PTPN2: variants seen among roughly 807,000 people sequenced by gnomAD.
PTPN2 encodes protein tyrosine phosphatase non-receptor type 2.
Under a neutral mutation model 57.3 loss-of-function variants are expected in PTPN2, and 19 were observed. That is an observed-to-expected ratio of 0.33 (90% CI 0.23 to 0.49). The LOEUF is 0.49. Ranked by LOEUF, PTPN2 falls within the 20% of genes least tolerant of loss-of-function variation. PTPN2 has a pLI of 0.99. For missense variants in PTPN2, 358 were observed against 501.1 expected (o/e 0.71, Z 2.73); for synonymous variants, 153 against 164.9 (o/e 0.93, Z 0.55).
At chr18:12,839,366 C>T (rs2042970872) in intron 2 of PTPN2, 1 of 152,182 alleles carries the variant, frequency 6.6e-6, no homozygotes, top group South Asian at 2.1e-4. Flanking sequence ...AAACTTTTGA[C>T]TTCTGAATGA....
At chr18:12,804,289 C>CAAAAAAAAAA (rs59927276) in intron 7 of PTPN2, among the ~76,000 whole-genome samples, 16 of 67,850 alleles carry the variant, frequency 2.4e-4, no homozygotes, top group African/African-American at 5.8e-4. Context: ...GAAACTGTCT[C>CAAAAAAAAAA]AAAAAAAAAA....
At chr18:12,850,285 G>A (rs1318352860) in intron 2 of PTPN2, among the ~76,000 whole-genome samples, 1 of 152,106 alleles carries the variant, frequency 6.6e-6, no homozygotes, top group Non-Finnish European at 1.5e-5. Flanking sequence ...AAGGTCAGGA[G>A]TTTGAGACCA....
chr18:12,818,635 A>C (rs555294285), intron 5 of PTPN2, among the ~76,000 whole-genome samples: 1 of 150,742 alleles, frequency 6.6e-6, no homozygotes, highest in East Asian at 1.9e-4. Context: ...GTCTTTGTGC[A>C]ATTTTTCAGT....
At chr18:12,787,841 C>G (rs1440809715), downstream of PTPN2, 1 of 153,568 alleles carries the variant, frequency 6.5e-6, no homozygotes, top group African/African-American at 2.4e-5. Context: ...TCTGTGGAGA[C>G]AGTGGCTCTG....
intron 1 of PTPN2, among the ~76,000 whole-genome samples, chr18:12,860,321 G>A (rs1457079222): frequency 6.6e-6 from 1 of 150,900 alleles, no homozygotes; most frequent in African/African-American, 2.4e-5. Context: ...AAATTAGGCT[G>A]TGCGCGGTGG....
chr18:12,873,890 T>C (rs904008897), intron 1 of PTPN2, among the ~76,000 whole-genome samples: 3 of 150,012 alleles, frequency 2.0e-5, no homozygotes, highest in African/African-American at 7.4e-5. Context: ...GGGAGTGCCT[T>C]TGCCCCGCCG....
intron 1 of PTPN2, among the ~76,000 whole-genome samples, chr18:12,881,998 G>C (rs1421511318): frequency 6.6e-6 from 1 of 152,164 alleles, no homozygotes; most frequent in African/African-American, 2.4e-5. Context: ...ATAAGCCCTA[G>C]AGTGAGCACC....
intron 8 of PTPN2, among the ~76,000 whole-genome samples, chr18:12,799,416 C>T (rs2041321125): frequency 6.9e-6 from 1 of 145,646 alleles, no homozygotes; most frequent in Non-Finnish European, 1.5e-5. Flanking sequence ...GACTCCGTCT[C>T]AGGAAAAAAA....
intron 2 of PTPN2, among the ~76,000 whole-genome samples, chr18:12,847,616 GA>G (rs1055688554): frequency 1.4e-5 from 2 of 147,354 alleles, no homozygotes; most frequent in African/African-American, 5.0e-5. Context: ...TAAAATTAAA[GA>G]TTTTTTTTTT....
At chr18:12,838,860 C>A (rs1252399271) in intron 2 of PTPN2, among the ~76,000 whole-genome samples, 1 of 151,802 alleles carries the variant, frequency 6.6e-6, no homozygotes, top group African/African-American at 2.4e-5. Flanking sequence ...TATTTTAATT[C>A]TTCTGTTCTT....
At chr18:12,840,958 G>A in intron 2 of PTPN2, 1 of 1,463,056 alleles carries the variant, frequency 6.8e-7, no homozygotes, top group Non-Finnish European at 9.0e-7. Flanking sequence ...TCCCTGCATT[G>A]AATACTTTCA....
At chr18:12,844,246 T>C (rs534543505) in intron 2 of PTPN2, among the ~76,000 whole-genome samples, 1 of 152,392 alleles carries the variant, frequency 6.6e-6, no homozygotes, top group Non-Finnish European at 1.5e-5. Context: ...TGAATATTCA[T>C]GCACACACTT....
chr18:12,884,207 C>A lies in PTPN2; in HGVS notation c.-66G>T. On this transcript the variant is annotated 5_prime_UTR_variant, in exon 1 of 9. Coordinates refer to ENST00000309660, the MANE Select transcript of PTPN2 (RefSeq NM_002828.4). The stretch of plus-strand genomic sequence containing the variant: ...CGGAGAGGCTCAGGCCCCGCACGAT[C>A]CGGGGAGAGCGCTGGCGCTGCGGCG... The A allele has an allele frequency of 1.5e-6, 2 of 1,306,962 alleles. No homozygotes were observed. Among genetic ancestry groups the A allele is most frequent in the Admixed American group, 3.1e-5 (1 of 32,692 alleles). The allele number at this position is 1,306,962 out of a possible 1,614,324, so 81.0% of individuals were successfully genotyped here.
chr18:12,862,598 G>A (rs2043852517), intron 1 of PTPN2: 1 of 152,358 alleles, frequency 6.6e-6, no homozygotes, highest in South Asian at 2.1e-4. Context: ...ACTGGGTTGG[G>A]GCTGCAGGAA....
intron 2 of PTPN2, among the ~76,000 whole-genome samples, chr18:12,846,574 C>T (rs1159094299): frequency 6.6e-6 from 1 of 152,174 alleles, no homozygotes; most frequent in Non-Finnish European, 1.5e-5. Flanking sequence ...TTGGGCATGT[C>T]TTTATGTTCT....
At chr18:12,882,863 T>A (rs1471359630) in intron 1 of PTPN2, among the ~76,000 whole-genome samples, 1 of 152,196 alleles carries the variant, frequency 6.6e-6, no homozygotes, top group East Asian at 1.9e-4. Context: ...CGTCTTTTAC[T>A]TTACACAGAG....
intron 1 of PTPN2, among the ~76,000 whole-genome samples, chr18:12,865,053 T>C (rs1337610223): frequency 2.6e-5 from 4 of 152,202 alleles, no homozygotes; most frequent in Admixed American, 1.3e-4. Context: ...TTGTTTTTCA[T>C]TGCAACAAGC....
At position 12,794,470 on chromosome 18, in the gene PTPN2, A is replaced by G. The variant is rs755301057; in HGVS notation, c.1056T>C (p.Arg352=). The G allele has an allele frequency of 1.4e-5, 22 of 1,613,320 alleles. No individual in the cohort carries two copies. In the South Asian group the frequency reaches 2.1e-4, roughly 15 times the overall value. The part of the protein sequence containing the change: ...EENSESALRK[R]IREDRKATTA... ...TGGTGGCCTTTCTGTCCTCTCGAATACGTTTCCGTAGAGCACTATGAGGAA... is the reference window on the plus strand; with the variant it reads ...TGGTGGCCTTTCTGTCCTCTCGAATGCGTTTCCGTAGAGCACTATGAGGAA... Residue 352 remains arginine, a synonymous_variant, in exon 9 of 9, where the codon CGT becomes CGC. Coordinates refer to ENST00000309660, the MANE Select transcript of PTPN2 (RefSeq NM_002828.4).
intron 7 of PTPN2, among the ~76,000 whole-genome samples, chr18:12,808,673 C>T (rs933756561): frequency 1.3e-5 from 2 of 151,864 alleles, no homozygotes; most frequent in South Asian, 2.1e-4. Context: ...CCCAGCTACT[C>T]GGGAGGCTGA....
Sources: gnomAD v4.1 joint callset for allele counts (sites outside exome capture counted in the v4.1 genomes callset) on GRCh38, gnomAD v4.1.1 for gene constraint, MANE v1.5 for transcripts, NCBI Gene and HGNC (gene_info 2026-07-23, HGNC 2026-07-21) for gene names.